Variants in ARSB observed in about 807,000 individuals in gnomAD.
ARSB encodes the protein N-acetylgalactosamine-4-sulfatase.
Under a neutral mutation model 50.9 loss-of-function variants are expected in ARSB, and 41 were observed. The observed-to-expected ratio is 0.81, with a 90% CI of 0.63 to 1.04. The LOEUF (loss-of-function observed/expected upper bound fraction) is 1.04. ARSB is among the 50% of genes least tolerant of loss of function. The pLI is 0.00. For synonymous variants in ARSB, 269 were observed against 284.8 expected, an observed-to-expected ratio of 0.94 and a Z score of 0.56; for missense variants, 672 against 693.3, an observed-to-expected ratio of 0.97 and a Z score of 0.35.
At chr5:78,953,097 G>A (rs1305006214) in intron 4 of ARSB, among the ~76,000 whole-genome samples, 1 of 152,120 alleles carries the variant, frequency 6.6e-6, no homozygotes, top group African/African-American at 2.4e-5. Context: ...GTAAGTTTTG[G>A]GAGAAAAACA....
intron 5 of ARSB, among the ~76,000 whole-genome samples, chr5:78,880,991 G>A (rs577197379): frequency 3.7e-4 from 57 of 152,118 alleles, no homozygotes; most frequent in Admixed American, 7.2e-4. Context: ...CAGCGCTTTG[G>A]GAGGCCAAGG....
At position 78,839,417 on chromosome 5, in the gene ARSB, G is replaced by A. The variant is rs747829428; in HGVS notation, c.1152C>T (p.Ser384=). Residue 384 remains serine (S), a synonymous_variant, in exon 6 of 8, where the codon AGC becomes AGT. Transcript: ENST00000264914. ...FDVWKTISEG[S]PSPRIELLHN... ...GCAGCAGCTCAATTCTGGGGGATGGGCTTCCTTCACTGGAAAACAATTTTT... is the reference window on the plus strand; with the variant it reads ...GCAGCAGCTCAATTCTGGGGGATGGACTTCCTTCACTGGAAAACAATTTTT... 25 of 1,613,442 alleles carry A rather than the reference G, an allele frequency of 1.5e-5. No homozygotes were observed. The Admixed American group carries it at 4.0e-4, about 26-fold the overall frequency.
At position 78,955,277 on chromosome 5, in the gene ARSB, T is replaced by A. The variant is rs1329260400; in HGVS notation, c.898+18A>T. ...CCTAGGCTTTGCCAAGAGATGATTT[T>A]CCTATTGACAGACTTACCTGTAGAA... On this transcript the variant is annotated intron_variant, in intron 4 of 7. Coordinates refer to ENST00000264914, the MANE Select transcript of ARSB (RefSeq NM_000046.5). 6.2e-7 allele frequency: 1 copy of A among 1,613,132 alleles called. No individual in the cohort carries two copies. Among genetic ancestry groups the A allele is most frequent in the African/African-American group, 1.3e-5 (1 of 75,030 alleles).
At chr5:78,956,668 T>C (rs1248236108) in intron 3 of ARSB, among the ~76,000 whole-genome samples, 1 of 152,222 alleles carries the variant, frequency 6.6e-6, no homozygotes, top group Non-Finnish European at 1.5e-5. Flanking sequence ...AAATGTTGTC[T>C]ACATACTAGA....
At chr5:78,815,779 A>G in intron 6 of ARSB, 3 of 1,213,440 alleles carry the variant, frequency 2.5e-6, no homozygotes, top group Non-Finnish European at 3.1e-6. Context: ...ACTTTTGGGA[A>G]AAGGTAACAC....
At chr5:78,850,459 G>C (rs1193859916) in intron 5 of ARSB, among the ~76,000 whole-genome samples, 1 of 151,936 alleles carries the variant, frequency 6.6e-6, no homozygotes, top group Non-Finnish European at 1.5e-5. Flanking sequence ...GATTTGGTTT[G>C]CCAGTATTTT....
intron 4 of ARSB, among the ~76,000 whole-genome samples, chr5:78,937,253 C>T (rs971427051): frequency 2.1e-5 from 3 of 143,998 alleles, no homozygotes; most frequent in East Asian, 2.0e-4. Flanking sequence ...CAAGGAAGTT[C>T]GATATATATA....
intron 4 of ARSB, among the ~76,000 whole-genome samples, chr5:78,910,708 T>C (rs1439970370): frequency 2.6e-5 from 4 of 152,188 alleles, no homozygotes; most frequent in African/African-American, 7.2e-5. Flanking sequence ...CAAAAATATC[T>C]GAGCACACTA....
rs1234135464 is a variant in ARSB at position 78,984,881 on chromosome 5, AGGGCGCCGGCGAAAGGCGGGGCGG to A, written c.312+32_312+55del. 8.9e-5 allele frequency: 110 copies of A among 1,240,934 alleles called. No homozygotes were observed. In the Middle Eastern group the frequency reaches 1.3e-3, roughly 14 times the overall value. 76.9% of individuals were successfully genotyped at this position (1,240,934 alleles called of 1,614,324 possible). On this transcript the variant is annotated intron_variant, in intron 1 of 7. Coordinates refer to ENST00000264914, the MANE Select transcript of ARSB (RefSeq NM_000046.5). ...GCCTCAAGGGCCGGGTAGGAGCGGC[AGGGCGCCGGCGAAAGGCGGGGCGG>A]GGGCGGCGCGGGCGGCGGGGGCGCC...
intron 6 of ARSB, among the ~76,000 whole-genome samples, chr5:78,811,404 C>A (rs1743800699): frequency 6.6e-6 from 1 of 152,100 alleles, no homozygotes. Flanking sequence ...CACAATCACA[C>A]CAGCAAGAGA....
Position 78,813,309 on chromosome 5 carries a change from C to T in ARSB, c.1213+26047G>A, listed in dbSNP as rs143001806. On this transcript the variant is annotated intron_variant, in intron 6 of 7. Transcript: ENST00000264914. ...GAACTCCTGACCTCAGGAGATCCAC[C>T]CACCTCAGCCTCCCAAAGTGCTGAG... Among the ~76,000 whole-genome samples the T allele has an allele frequency of 7.3e-3, 1,117 of 152,270 alleles. 16 individuals are homozygous for T. The highest frequency in any genetic ancestry group is 0.026 in the African/African-American group (1,060 of 41,568).
At chr5:78,844,265 C>G (rs1002308621) in intron 5 of ARSB, among the ~76,000 whole-genome samples, 1 of 152,052 alleles carries the variant, frequency 6.6e-6, no homozygotes, top group Non-Finnish European at 1.5e-5. Flanking sequence ...TATCTCATTG[C>G]GATTTGATTT....
chr5:78,814,185 G>A (rs1421329802), intron 6 of ARSB, among the ~76,000 whole-genome samples: 1 of 150,984 alleles, frequency 6.6e-6, no homozygotes, highest in Middle Eastern at 3.2e-3. Flanking sequence ...AAAATATACA[G>A]AGCAAAAAGA....
chr5:78,960,732 T>C (rs914004614), intron 3 of ARSB, among the ~76,000 whole-genome samples: 25 of 152,044 alleles, frequency 1.6e-4, no homozygotes, highest in African/African-American at 6.0e-4. Flanking sequence ...GCCTGGCTAA[T>C]TTTTGTATTT....
chr5:78,875,512 T>C (rs1258846070), intron 5 of ARSB, among the ~76,000 whole-genome samples: 1 of 152,096 alleles, frequency 6.6e-6, no homozygotes, highest in Non-Finnish European at 1.5e-5. Context: ...AGTATTATTA[T>C]AGCAAAGTGA....
At chr5:78,827,383 T>C (rs1009383709) in intron 6 of ARSB, among the ~76,000 whole-genome samples, 2 of 152,162 alleles carry the variant, frequency 1.3e-5, no homozygotes, top group African/African-American at 4.8e-5. Context: ...TACTTTTTTG[T>C]ATTTTTTAGT....
At chr5:78,801,810 C>A (rs1157792668) in intron 6 of ARSB, among the ~76,000 whole-genome samples, 1 of 152,050 alleles carries the variant, frequency 6.6e-6, no homozygotes, top group Non-Finnish European at 1.5e-5. Flanking sequence ...TTAAAAATGG[C>A]AGAGCTGCAA....
intron 6 of ARSB, among the ~76,000 whole-genome samples, chr5:78,824,608 G>A (rs1002727085): frequency 6.6e-6 from 1 of 152,216 alleles, no homozygotes; most frequent in African/African-American, 2.4e-5. Flanking sequence ...TTTTCACCTA[G>A]TATTCCCAGG....
intron 6 of ARSB, among the ~76,000 whole-genome samples, chr5:78,796,617 T>C (rs1374626801): frequency 1.3e-5 from 2 of 152,194 alleles, no homozygotes; most frequent in African/African-American, 2.4e-5. Context: ...ATAGAGAAAA[T>C]GCTCCATCTG....
Sources: allele counts gnomAD v4.1 joint callset (sites outside exome capture counted in the v4.1 genomes callset), GRCh38; gene constraint gnomAD v4.1.1; transcripts MANE v1.5; gene names NCBI Gene and HGNC (gene_info 2026-07-23, HGNC 2026-07-21).